SLC2A8: variants seen among roughly 807,000 people sequenced by gnomAD.
SLC2A8 encodes the protein solute carrier family 2 member 8.
In SLC2A8, 53 loss-of-function variants were observed where a neutral mutation model predicts 49.2. The ratio of observed to expected loss-of-function variants is 1.08; its 90% CI spans 0.86 to 1.35. SLC2A8 has a LOEUF of 1.35. SLC2A8 is among the 40% of genes most tolerant of loss of function. The pLI is 0.00. For missense variants in SLC2A8, 688 were observed against 671.7 expected (o/e 1.02, Z -0.27); for synonymous variants, 299 against 297.0 (o/e 1.01, Z -0.07).
At chr9:127,401,050 G>A (rs925340963) in intron 4 of SLC2A8, among the ~76,000 whole-genome samples, 6 of 152,158 alleles carry the variant, frequency 3.9e-5, no homozygotes, top group East Asian at 1.9e-4. Flanking sequence ...AGCTGAGATC[G>A]CGCCACTGCA....
In SLC2A8 at chr9:127,397,394, C is replaced by T; in HGVS notation, c.75C>T (p.Arg25=). The part of the protein sequence containing the change: ...PPGGSAPRGR[R]VFLAAFAAAL... ...CCCCCAGCGCGCCCCGCGGCCGCCG[C>T]GTCTTCCTCGCCGCCTTCGCCGCTG... Residue 25 remains arginine (R), a synonymous_variant, in exon 2 of 10, where the codon CGC becomes CGT. Transcript: ENST00000373371. 2.0e-6 allele frequency: 3 copies of T among 1,471,688 alleles called. No homozygotes were observed. The highest frequency in any genetic ancestry group is 2.7e-6 in the Non-Finnish European group (3 of 1,120,172). 91.2% of individuals were successfully genotyped at this position (1,471,688 alleles called of 1,614,324 possible).
At chr9:127,400,160 G>A (rs1833221326) in intron 4 of SLC2A8, among the ~76,000 whole-genome samples, 154 bp downstream of exon 4, 2 of 123,634 alleles carry the variant, frequency 1.6e-5, no homozygotes, top group South Asian at 6.2e-4. Flanking sequence ...CTTGGGATAG[G>A]TGAGTCTTTT....
chr9:127,405,343 T>A, intron 8 of SLC2A8, 77 bp from the exon 9 acceptor site: 1 of 1,524,108 alleles, frequency 6.6e-7, no homozygotes, highest in Non-Finnish European at 8.9e-7. Context: ...GGAAGCTGGG[T>A]CTCTTGGCTC....
chr9:127,406,290 G>A (rs1764710376), intron 9 of SLC2A8, among the ~76,000 whole-genome samples: 1 of 152,226 alleles, frequency 6.6e-6, no homozygotes, highest in African/African-American at 2.4e-5. Flanking sequence ...CAGTGGGGCT[G>A]GGTTAGGATG....
chr9:127,404,746 CAT>C, intron 7 of SLC2A8, 70 bp from the exon 8 acceptor site: 2 of 1,502,460 alleles, frequency 1.3e-6, no homozygotes, highest in Non-Finnish European at 1.8e-6. Context: ...CTCTCAGAGG[CAT>C]CCAGGCCATG....
intron 3 of SLC2A8, 143 bp downstream of exon 3, chr9:127,398,254 C>T (rs1182243157): frequency 5.7e-6 from 5 of 871,128 alleles, no homozygotes; most frequent in African/African-American, 1.6e-5. Flanking sequence ...CGTTATCTCG[C>T]GGTCCCTCCC....
chr9:127,404,664 A>G (rs1001503550), intron 7 of SLC2A8, 154 bp from the exon 8 acceptor site: 9 of 845,570 alleles, frequency 1.1e-5, no homozygotes, highest in Non-Finnish European at 1.4e-5. Flanking sequence ...GGTGGCTGCC[A>G]CCCAGTCAGG....
intron 9 of SLC2A8, chr9:127,405,954 G>A (rs528947091): frequency 1.1e-5 from 6 of 531,804 alleles, no homozygotes; most frequent in Admixed American, 1.9e-5. Flanking sequence ...CTCTGAGCCC[G>A]CTTCTTTGGC....
Position 127,397,453 on chromosome 9 carries a change from G to T in SLC2A8, c.134G>T (p.Gly45Val), listed in dbSNP as rs764473150. Residue 45 changes from glycine (G) to valine (V), a missense_variant, in exon 2 of 10, where the codon GGC becomes GTC. Transcript: ENST00000373371. ...CCACTCAGCTTCGGCTTCGCGCTCG[G>T]CTACAGCTCCCCGGCCATCCCTAGC... is the stretch of plus-strand genomic sequence containing the variant. The part of the protein sequence containing the change: ...LGPLSFGFAL[G>V]YSSPAIPSLQ... 1 of 1,487,530 alleles carries T rather than the reference G, an allele frequency of 6.7e-7. No individual in the cohort carries two copies. The highest frequency in any genetic ancestry group is 1.3e-5 in the South Asian group (1 of 79,026). 92.1% of individuals were successfully genotyped at this position (1,487,530 alleles called of 1,614,324 possible). A position where few individuals can be genotyped will look rare whatever the true frequency, so the allele number is the denominator to read the frequency against.
intron 2 of SLC2A8, 122 bp from the exon 3 acceptor site, chr9:127,397,783 C>T (rs1404614558): frequency 8.7e-6 from 10 of 1,153,812 alleles, no homozygotes; most frequent in African/African-American, 1.6e-5. Flanking sequence ...AGCCCCCTAC[C>T]CCTCCCCTCG....
In SLC2A8 at chr9:127,397,267, C is replaced by T; in HGVS notation, c.37C>T (p.Leu13=). 1.4e-6 allele frequency: 2 copies of T among 1,401,774 alleles called. No individual in the cohort carries two copies. The highest frequency in any genetic ancestry group is 1.8e-6 in the Non-Finnish European group (2 of 1,088,436). The allele number at this position is 1,401,774 out of a possible 1,614,324, so 86.8% of individuals were successfully genotyped here. A position where few individuals can be genotyped will look rare whatever the true frequency, so the allele number is the denominator to read the frequency against. ...PEDPEETQPL[L]GPPGGSAPRG... ...GGACCCAGAGGAAACCCAGCCGCTTCTGGGGCCTCCTGGCGGCAGGTGAGC... is the reference window on the plus strand; with the variant it reads ...GGACCCAGAGGAAACCCAGCCGCTTTTGGGGCCTCCTGGCGGCAGGTGAGC... The change falls in exon 1 of 10, where the codon CTG becomes TTG. Residue 13 remains leucine (L), a synonymous_variant. Coordinates refer to ENST00000373371, the MANE Select transcript of SLC2A8 (RefSeq NM_014580.5).
At chr9:127,406,578 C>G (rs918129872) in intron 9 of SLC2A8, among the ~76,000 whole-genome samples, 19 of 126,658 alleles carry the variant, frequency 1.5e-4, no homozygotes, top group Non-Finnish European at 1.3e-4. Context: ...CCCAGAGGAC[C>G]AGGAGCTGAG....
Position 127,402,540 on chromosome 9 carries a change from C to T in SLC2A8, c.527-17C>T, listed in dbSNP as rs748698761. On this transcript the variant is annotated splice_polypyrimidine_tract_variant and intron_variant, in intron 4 of 9. Coordinates refer to ENST00000373371, the MANE Select transcript of SLC2A8 (RefSeq NM_014580.5). The stretch of plus-strand genomic sequence containing the variant: ...ACCCTGGCTCTGACGCCAGCCTCCT[C>T]CACCCACCCCCCGCAGGCTGGGTGC... 1 of 1,503,366 alleles carries T rather than the reference C, an allele frequency of 6.7e-7. No homozygotes were observed. Among genetic ancestry groups the T allele is most frequent in the South Asian group, 1.3e-5 (1 of 78,814 alleles). 93.1% of individuals were successfully genotyped at this position (1,503,366 alleles called of 1,614,324 possible). A position where few individuals can be genotyped will look rare whatever the true frequency, so the allele number is the denominator to read the frequency against.
chr9:127,398,157 G>T, intron 3 of SLC2A8, 46 bp downstream of exon 3: 3 of 1,541,570 alleles, frequency 1.9e-6, no homozygotes, highest in Non-Finnish European at 1.8e-6. Flanking sequence ...GCCTGAGACC[G>T]AGGGGGAGTG....
intron 9 of SLC2A8, 32 bp downstream of exon 9, chr9:127,405,597 T>C (rs369959751): frequency 1.2e-5 from 19 of 1,611,572 alleles, no homozygotes; most frequent in Non-Finnish European, 1.6e-5. Context: ...ACCGCGTTCG[T>C]GCAGTCAGCC....
At chr9:127,404,793 C>T (rs933626354) in intron 7 of SLC2A8, 25 bp from the exon 8 acceptor site, 6 of 1,599,726 alleles carry the variant, frequency 3.8e-6, no homozygotes, top group Non-Finnish European at 5.1e-6. Flanking sequence ...GGGTGCCCCG[C>T]CCACTGCCGC....
At chr9:127,400,365 G>C (rs1282395015) in intron 4 of SLC2A8, among the ~76,000 whole-genome samples, 1 of 151,962 alleles carries the variant, frequency 6.6e-6, no homozygotes, top group Non-Finnish European at 1.5e-5. Flanking sequence ...CACCGTGTTA[G>C]CCAGGATGGT....
chr9:127,404,191 T>C (rs1457324806), intron 7 of SLC2A8, 124 bp downstream of exon 7: 1 of 670,844 alleles, frequency 1.5e-6, no homozygotes, highest in Admixed American at 2.9e-5. Context: ...AATGCGGCCA[T>C]GATTTGACAG....
At chr9:127,401,492 G>A (rs949577157) in intron 4 of SLC2A8, among the ~76,000 whole-genome samples, 1 of 152,222 alleles carries the variant, frequency 6.6e-6, no homozygotes, top group South Asian at 2.1e-4. Flanking sequence ...TCCTGCCAGC[G>A]ATCTGGCTAC....
Sources: allele counts gnomAD v4.1 joint callset (sites outside exome capture counted in the v4.1 genomes callset), GRCh38; gene constraint gnomAD v4.1.1; transcripts MANE v1.5; gene names NCBI Gene and HGNC (gene_info 2026-07-23, HGNC 2026-07-21).